The following NCR2 variants were observed in gnomAD, a reference collection of about 807,000 sequenced individuals.
NCR2 encodes the protein NK cell activating receptor (NKp44).
In NCR2, 35 loss-of-function variants were observed where a neutral mutation model predicts 30.7. The ratio of observed to expected loss-of-function variants is 1.14; its 90% CI spans 0.87 to 1.51. NCR2 has a LOEUF of 1.51. NCR2 is among the 40% of genes most tolerant of loss of function. The pLI is 0.00. For missense variants in NCR2, 316 were observed against 328.9 expected (o/e 0.96, Z 0.30); for synonymous variants, 146 against 134.8 (o/e 1.08, Z -0.58).
chr6:41,340,928 C>A (rs977476167), intron 2 of NCR2, among the ~76,000 whole-genome samples: 3 of 152,114 alleles, frequency 2.0e-5, no homozygotes, highest in African/African-American at 7.2e-5. Flanking sequence ...AGGGCAGTCT[C>A]TGGGACGAGG....
At chr6:41,347,855 G>A (rs1361012723) in intron 4 of NCR2, among the ~76,000 whole-genome samples, 1 of 152,146 alleles carries the variant, frequency 6.6e-6, no homozygotes, top group Non-Finnish European at 1.5e-5. Flanking sequence ...GCTTGATGGA[G>A]GGCCGTGCCC....
chr6:41,336,991 A>G (rs1769049392), intron 2 of NCR2, among the ~76,000 whole-genome samples: 1 of 152,214 alleles, frequency 6.6e-6, no homozygotes, highest in South Asian at 2.1e-4. Flanking sequence ...CCACTCAATT[A>G]CCTATTGTCT....
Position 41,343,648 on chromosome 6 carries a change from G to A in NCR2, c.644+1499G>A, listed in dbSNP as rs142203127. On this transcript the variant is annotated intron_variant, in intron 4 of 4. Transcript: ENST00000373089. ...GAGAGAAAAAAAGACTGAAGAAAGC[G>A]GAAACAAGGAACAAAAAGAAATTGG... is the stretch of plus-strand genomic sequence containing the variant. Among the ~76,000 whole-genome samples the A allele has an allele frequency of 9.7e-3, 1,474 of 152,240 alleles. 39 individuals carry two copies. In the South Asian group the frequency reaches 0.11, roughly 11 times the overall value.
intron 2 of NCR2, among the ~76,000 whole-genome samples, chr6:41,337,333 T>C (rs1769057674): frequency 6.6e-6 from 1 of 152,244 alleles, no homozygotes; most frequent in South Asian, 2.1e-4. Context: ...AAAAACTGTA[T>C]ACATTGTTCA....
At chr6:41,344,245 C>A (rs1448506169) in intron 4 of NCR2, among the ~76,000 whole-genome samples, 1 of 152,194 alleles carries the variant, frequency 6.6e-6, no homozygotes, top group Non-Finnish European at 1.5e-5. Flanking sequence ...TAGCACAGCA[C>A]CCCACTGTGC....
At chr6:41,349,276 G>A (rs943175341) in intron 4 of NCR2, among the ~76,000 whole-genome samples, 1 of 150,904 alleles carries the variant, frequency 6.6e-6, no homozygotes, top group Non-Finnish European at 1.5e-5. Context: ...CTTATAAATG[G>A]GAGTGCTAAG....
chr6:41,340,441 C>T (rs1581661031), intron 2 of NCR2, among the ~76,000 whole-genome samples: 1 of 152,164 alleles, frequency 6.6e-6, no homozygotes, highest in Non-Finnish European at 1.5e-5. Flanking sequence ...GGATTACAGG[C>T]GTGAGCCACC....
chr6:41,345,344 C>T (rs186058200), intron 4 of NCR2, among the ~76,000 whole-genome samples: 5 of 152,312 alleles, frequency 3.3e-5, no homozygotes, highest in Admixed American at 2.6e-4. Flanking sequence ...CCCACTCCCA[C>T]CAGCTCTCTC....
In NCR2 at chr6:41,344,240, C is replaced by T. The variant is rs145245553; in HGVS notation, c.644+2091C>T. Among the ~76,000 whole-genome samples, 834 of 152,310 alleles carry T rather than the reference C, an allele frequency of 5.5e-3. 12 individuals carry two copies. The highest frequency in any genetic ancestry group is 0.018 in the African/African-American group (760 of 41,576). On this transcript the variant is annotated intron_variant, in intron 4 of 4. Coordinates refer to ENST00000373089, the MANE Select transcript of NCR2 (RefSeq NM_004828.4). ...GCCTAGATCAGCCACCCCTGTAGCA[C>T]AGCACCCCACTGTGCTGTCCTTACC...
At chr6:41,340,147 C>CTTCA (rs1554152414) in intron 2 of NCR2, among the ~76,000 whole-genome samples, 2 of 147,240 alleles carry the variant, frequency 1.4e-5, no homozygotes, top group Non-Finnish European at 3.0e-5. Context: ...TAGCTAACAA[C>CTTCA]TTTATTTATT....
rs1297426114 is a variant in NCR2, at chr6:41,335,647, C to A, written c.-230C>A. ...GAGGCCTGGGAAGCTGTGTGCCAGA[C>A]AGCGCCGAGCCCACCAGACCCAGAC... On this transcript the variant is annotated 5_prime_UTR_variant, in exon 1 of 5. Transcript: ENST00000373089. 1 of 566,198 alleles carries A rather than the reference C, an allele frequency of 1.8e-6. No homozygotes were observed. The highest frequency in any genetic ancestry group is 1.9e-5 in the African/African-American group (1 of 53,084). The allele number at this position is 566,198 out of a possible 1,614,324, so 35.1% of individuals were successfully genotyped here.
intron 4 of NCR2, among the ~76,000 whole-genome samples, chr6:41,349,731 T>G (rs1439357048): frequency 2.0e-5 from 3 of 152,136 alleles, no homozygotes; most frequent in Non-Finnish European, 4.4e-5. Context: ...ATTTGGTTTT[T>G]CCTACTAAAC....
At chr6:41,345,769 C>T (rs1055851049) in intron 4 of NCR2, among the ~76,000 whole-genome samples, 25 of 152,326 alleles carry the variant, frequency 1.6e-4, no homozygotes, top group African/African-American at 3.8e-4. Flanking sequence ...AATTCCCACT[C>T]GTCCCAAATC....
rs973362329 is a variant in NCR2, at chr6:41,338,820, T to C, written c.394+2392T>C. On this transcript the variant is annotated intron_variant, in intron 2 of 4. Transcript: ENST00000373089. ...AAGGGAAAATGATATCAAGCTCCCTTCTTTGCTATAAATTACCCAATGTCG... is the reference window on the plus strand; with the variant it reads ...AAGGGAAAATGATATCAAGCTCCCTCCTTTGCTATAAATTACCCAATGTCG... Among the ~76,000 whole-genome samples, 5 of 152,358 alleles carry C rather than the reference T, an allele frequency of 3.3e-5. No individual in the cohort carries two copies. In the South Asian group the frequency reaches 1.0e-3, roughly 32 times the overall value.
At chr6:41,346,395 A>G (rs960948959) in intron 4 of NCR2, among the ~76,000 whole-genome samples, 3 of 150,692 alleles carry the variant, frequency 2.0e-5, no homozygotes. Flanking sequence ...ACCTGATCCC[A>G]GTATTGCTTC....
Position 41,335,690 on chromosome 6 carries a change from T to C in NCR2, c.-187T>C, listed in dbSNP as rs183911729. ...ACCCAGACTCACCTACAGCTGGAGA[T>C]CCCCACTTCCCTGTGCCCACAGAAT... On this transcript the variant is annotated 5_prime_UTR_variant, in exon 1 of 5. Transcript: ENST00000373089. 1.5e-6 allele frequency: 1 copy of C among 664,748 alleles called. No individual in the cohort carries two copies. Among genetic ancestry groups the C allele is most frequent in the South Asian group, 1.7e-5 (1 of 57,632 alleles). The allele number at this position is 664,748 out of a possible 1,614,324, so 41.2% of individuals were successfully genotyped here.
chr6:41,345,703 C>T (rs1041292520), intron 4 of NCR2, among the ~76,000 whole-genome samples: 3 of 152,156 alleles, frequency 2.0e-5, no homozygotes, highest in African/African-American at 7.2e-5. Context: ...CTGGTCCTCC[C>T]TCATCACCCA....
At chr6:41,343,290 C>T (rs1404310999) in intron 4 of NCR2, among the ~76,000 whole-genome samples, 1 of 152,216 alleles carries the variant, frequency 6.6e-6, no homozygotes, top group Non-Finnish European at 1.5e-5. Flanking sequence ...TTCCCTGCCT[C>T]CTCCTCCTAT....
At chr6:41,340,497 C>T (rs1442130229) in intron 2 of NCR2, among the ~76,000 whole-genome samples, 2 of 152,152 alleles carry the variant, frequency 1.3e-5, no homozygotes, top group East Asian at 3.9e-4. Flanking sequence ...CACACTGTAA[C>T]ATGGCTCTGG....
Sources: gnomAD v4.1 joint callset for allele counts (sites outside exome capture counted in the v4.1 genomes callset) on GRCh38, gnomAD v4.1.1 for gene constraint, MANE v1.5 for transcripts, NCBI Gene and HGNC (gene_info 2026-07-23, HGNC 2026-07-21) for gene names.